Variants in SUPV3L1 observed in about 807,000 individuals in gnomAD.
SUPV3L1 encodes the protein Suv3 like RNA helicase, also known as ATP-dependent RNA helicase SUPV3L1, mitochondrial.
SUPV3L1 carries 35 observed loss-of-function variants against 70.0 expected under a neutral mutation model. That is an observed-to-expected ratio of 0.50 (90% CI 0.38 to 0.66). The LOEUF is 0.66. SUPV3L1 is among the 30% of genes least tolerant of loss of function. The probability of loss-of-function intolerance (pLI) is 0.00; values close to 1 mark genes in which losing one functional copy is unlikely to be tolerated. For synonymous variants in SUPV3L1, 364 were observed against 341.9 expected, an observed-to-expected ratio of 1.06 and a Z score of -0.71; for missense variants, 777 against 961.5, an observed-to-expected ratio of 0.81 and a Z score of 2.54.
chr10:69,193,771 T>C (rs1300045819), intron 6 of SUPV3L1, among the ~76,000 whole-genome samples: 2 of 152,216 alleles, frequency 1.3e-5, no homozygotes, highest in Non-Finnish European at 2.9e-5. Context: ...TTTACTTTCC[T>C]AAGTGTCATT....
intron 13 of SUPV3L1, among the ~76,000 whole-genome samples, chr10:69,205,164 C>T (rs1842791241): frequency 6.6e-6 from 1 of 152,160 alleles, no homozygotes; most frequent in Non-Finnish European, 1.5e-5. Flanking sequence ...AGATGTTTAC[C>T]TAGAAAATAT....
chr10:69,184,614 A>ACACAC (rs1842163734), intron 1 of SUPV3L1, among the ~76,000 whole-genome samples: 1 of 43,910 alleles, frequency 2.3e-5, no homozygotes, highest in Non-Finnish European at 5.0e-5. Flanking sequence ...CTGAAATATA[A>ACACAC]ATACACACAC....
intron 8 of SUPV3L1, 76 bp from the exon 9 acceptor site, chr10:69,198,296 A>G: frequency 7.2e-7 from 1 of 1,379,566 alleles, no homozygotes; most frequent in Non-Finnish European, 9.9e-7. Context: ...ACTGCATTAC[A>G]ATCTTTTCAC....
Position 69,208,980 on chromosome 10 carries a change from C to G in SUPV3L1, c.2306C>G (p.Ser769Cys), listed in dbSNP as rs779624306. 6.2e-7 allele frequency: 1 copy of G among 1,609,992 alleles called. No homozygotes were observed. The highest frequency in any genetic ancestry group is 8.5e-7 in the Non-Finnish European group (1 of 1,178,968). ...GAACACAACAAAGAAAAAACAGAGT[C>G]TGGGACTCATCCAAAAGGGACGAGA... is the stretch of plus-strand genomic sequence containing the variant. ...QTEHNKEKTESGTHPKGTRRK... is the reference protein window; with the variant it reads ...QTEHNKEKTECGTHPKGTRRK... Residue 769 changes from serine to cysteine, a missense_variant, in exon 15 of 15, where the codon TCT (serine) becomes TGT (cysteine). By Grantham distance (112) the Ser-to-Cys change is moderately radical. This residue lies in a region of SUPV3L1 where 619 missense variants were observed against 823.3 expected (regional missense o/e 0.75). Coordinates refer to ENST00000359655, the MANE Select transcript of SUPV3L1 (RefSeq NM_003171.5).
chr10:69,186,465 CATAAGCTTTA>C lies in SUPV3L1; in HGVS notation c.373_382del (p.Ile125GlufsTer18). Reference sequence around the variant, plus strand: ...CAGCTCGTCTCTTCCACCAAGCTTTCATAAGCTTTAGAAATTATATTATGCAGTCTCATTC... The same window carrying C: ...CAGCTCGTCTCTTCCACCAAGCTTTCGAAATTATATTATGCAGTCTCATTC... On this transcript the variant is annotated frameshift_variant, in exon 3 of 15. Coordinates refer to ENST00000359655, the MANE Select transcript of SUPV3L1 (RefSeq NM_003171.5). LOFTEE classifies it high-confidence loss of function. 1 of 1,613,482 alleles carries C rather than the reference CATAAGCTTTA, an allele frequency of 6.2e-7. No homozygotes were observed. The highest frequency in any genetic ancestry group is 8.5e-7 in the Non-Finnish European group (1 of 1,179,710).
chr10:69,205,800 G>A (rs553255492), intron 13 of SUPV3L1, among the ~76,000 whole-genome samples: 32 of 152,344 alleles, frequency 2.1e-4, no homozygotes, highest in Non-Finnish European at 3.7e-4. Flanking sequence ...CTCCCAAAGT[G>A]CAGGGATTAC....
intron 5 of SUPV3L1, among the ~76,000 whole-genome samples, chr10:69,190,257 G>A (rs1437532197): frequency 1.3e-5 from 2 of 152,150 alleles, no homozygotes; most frequent in African/African-American, 4.8e-5. Flanking sequence ...GACCTCTGAT[G>A]CTATCAGCTA....
intron 13 of SUPV3L1, among the ~76,000 whole-genome samples, chr10:69,204,372 G>A (rs1842766219): frequency 6.6e-6 from 1 of 152,072 alleles, no homozygotes; most frequent in Non-Finnish European, 1.5e-5. Context: ...GTAGGCCTGA[G>A]CATTCTACAT....
chr10:69,187,892 G>A, intron 4 of SUPV3L1, 136 bp downstream of exon 4: 1 of 609,636 alleles, frequency 1.6e-6, no homozygotes, highest in Non-Finnish European at 2.8e-6. Context: ...AAAATAAAAA[G>A]AGGCAGTTAA....
chr10:69,202,192 C>T (rs1400923497), intron 11 of SUPV3L1, among the ~76,000 whole-genome samples: 2 of 152,070 alleles, frequency 1.3e-5, no homozygotes, highest in Middle Eastern at 3.2e-3. Context: ...AGAAATATAA[C>T]TAAAATGTAA....
intron 11 of SUPV3L1, 112 bp from the exon 12 acceptor site, chr10:69,202,327 A>G: frequency 1.4e-6 from 1 of 722,232 alleles, no homozygotes; most frequent in Non-Finnish European, 2.2e-6. Context: ...CATTTACTTC[A>G]TATGGTGAGA....
chr10:69,206,879 C>T (rs1341113664), intron 13 of SUPV3L1, among the ~76,000 whole-genome samples: 1 of 151,598 alleles, frequency 6.6e-6, no homozygotes, highest in Non-Finnish European at 1.5e-5. Context: ...TTGTGGCGGG[C>T]GCCTGTAATC....
intron 13 of SUPV3L1, among the ~76,000 whole-genome samples, chr10:69,204,376 T>A (rs1316433839): frequency 6.6e-6 from 1 of 152,196 alleles, no homozygotes; most frequent in African/African-American, 2.4e-5. Flanking sequence ...GCCTGAGCAT[T>A]CTACATATGA....
intron 13 of SUPV3L1, among the ~76,000 whole-genome samples, chr10:69,207,576 A>G (rs577129647): frequency 6.6e-6 from 1 of 152,278 alleles, no homozygotes; most frequent in East Asian, 1.9e-4. Flanking sequence ...TCAGACTCCC[A>G]GAGTGCTGGG....
rs548213751 is a variant in SUPV3L1 at position 69,182,994 on chromosome 10, CCT to C, written c.271+2438_271+2439del. On this transcript the variant is annotated intron_variant, in intron 1 of 14. Coordinates refer to ENST00000359655, the MANE Select transcript of SUPV3L1 (RefSeq NM_003171.5). ...CTCAGATCTTTGTCTCTACCCTGGA[CCT>C]CTCTCCTTCACCCTGGACCTATATA... is the stretch of plus-strand genomic sequence containing the variant. Among the ~76,000 whole-genome samples, 3 of 152,122 alleles carry C rather than the reference CCT, an allele frequency of 2.0e-5. No individual in the cohort carries two copies. The South Asian group carries it at 6.2e-4, about 31-fold the overall frequency.
chr10:69,192,322 C>G (rs1226456380), intron 6 of SUPV3L1: 1 of 152,416 alleles, frequency 6.6e-6, no homozygotes, highest in African/African-American at 2.4e-5. Flanking sequence ...TTGTACCACT[C>G]TCCAGTTTAA....
intron 14 of SUPV3L1, 119 bp from the exon 15 acceptor site, chr10:69,208,481 A>T: frequency 9.0e-7 from 1 of 1,106,524 alleles, no homozygotes; most frequent in South Asian, 1.5e-5. Flanking sequence ...GGCACTGAAG[A>T]GAGTTTGCAA....
At chr10:69,204,579 A>G (rs1331345087) in intron 13 of SUPV3L1, among the ~76,000 whole-genome samples, 1 of 152,104 alleles carries the variant, frequency 6.6e-6, no homozygotes, top group East Asian at 1.9e-4. Flanking sequence ...AATAATACAT[A>G]CATTCTCTTT....
Position 69,208,973 on chromosome 10 carries a change from A to G in SUPV3L1, c.2299A>G (p.Thr767Ala). The G allele has an allele frequency of 6.2e-7, 1 of 1,614,144 alleles. No individual in the cohort carries two copies. The highest frequency in any genetic ancestry group is 8.5e-7 in the Non-Finnish European group (1 of 1,180,022). The change falls in exon 15 of 15, where the codon ACA becomes GCA. Residue 767 changes from threonine to alanine, a missense_variant. Coordinates refer to ENST00000359655, the MANE Select transcript of SUPV3L1 (RefSeq NM_003171.5). ...TQQTEHNKEKTESGTHPKGTR... is the reference protein window; with the variant it reads ...TQQTEHNKEKAESGTHPKGTR... ...ACAAACTGAACACAACAAAGAAAAA[A>G]CAGAGTCTGGGACTCATCCAAAAGG... is the stretch of plus-strand genomic sequence containing the variant.
Sources: allele counts gnomAD v4.1 joint callset (sites outside exome capture counted in the v4.1 genomes callset), GRCh38; gene constraint gnomAD v4.1.1; regional missense constraint gnomAD v4.1.1; transcripts MANE v1.5; gene names NCBI Gene and HGNC (gene_info 2026-07-23, HGNC 2026-07-21).